The following ACKR2 variants were observed in gnomAD, a reference collection of about 807,000 sequenced individuals.
ACKR2 encodes C-C chemokine receptor D6.
For synonymous variants in ACKR2, 207 were observed against 192.2 expected (o/e 1.08, Z -0.64); for missense variants, 457 against 477.3 (o/e 0.96, Z 0.40).
intron 2 of ACKR2, among the ~76,000 whole-genome samples, chr3:42,827,979 T>C (rs1384073548): frequency 6.6e-6 from 1 of 151,122 alleles, no homozygotes; most frequent in Admixed American, 6.6e-5. Flanking sequence ...AAATAAACCA[T>C]AAGCCTGCAA....
rs970731980 is a variant in ACKR2 at position 42,856,235 on chromosome 3, G to A, written c.-37-8231G>A. ...TTGGGCCTTAGATAAAGCCACTCAGGCTGAGCTCCTGGGGTGGGGGCAGGT... is the reference window on the plus strand; with the variant it reads ...TTGGGCCTTAGATAAAGCCACTCAGACTGAGCTCCTGGGGTGGGGGCAGGT... On this transcript the variant is annotated intron_variant, in intron 2 of 2. Transcript: ENST00000422265. The A allele has an allele frequency of 8.5e-6, 5 of 586,588 alleles. No individual in the cohort carries two copies. The Admixed American group carries it at 1.5e-4, about 18-fold the overall frequency. The allele number at this position is 586,588 out of a possible 1,614,324, so 36.3% of individuals were successfully genotyped here. A position where few individuals can be genotyped will look rare whatever the true frequency, so the allele number is the denominator to read the frequency against.
intron 2 of ACKR2, among the ~76,000 whole-genome samples, chr3:42,823,480 G>A (rs528467625): frequency 3.9e-5 from 6 of 152,252 alleles, no homozygotes; most frequent in South Asian, 4.1e-4. Flanking sequence ...GTCAGCCTTC[G>A]TGTCTCCAGT....
At chr3:42,846,998 C>G (rs1701105534) in intron 2 of ACKR2, among the ~76,000 whole-genome samples, 1 of 152,202 alleles carries the variant, frequency 6.6e-6, no homozygotes. Context: ...GTCCATGTGG[C>G]TGCTATCAAC....
At chr3:42,856,843 T>C (rs948232938) in intron 2 of ACKR2, among the ~76,000 whole-genome samples, 6 of 150,758 alleles carry the variant, frequency 4.0e-5, no homozygotes, top group African/African-American at 1.2e-4. Context: ...CCCTTCCCCA[T>C]TGGTGAATGC....
At chr3:42,849,238 G>A (rs914712718) in intron 2 of ACKR2, among the ~76,000 whole-genome samples, 9 of 152,054 alleles carry the variant, frequency 5.9e-5, no homozygotes, top group African/African-American at 1.4e-4. Flanking sequence ...GCTGTGGCTC[G>A]TGGCTAGAAT....
intron 2 of ACKR2, among the ~76,000 whole-genome samples, chr3:42,849,557 C>A (rs911093590): frequency 6.6e-6 from 1 of 151,456 alleles, no homozygotes; most frequent in South Asian, 2.1e-4. Flanking sequence ...GAGCAAAGAA[C>A]AATTTGAGAA....
intron 2 of ACKR2, among the ~76,000 whole-genome samples, chr3:42,858,626 G>A (rs957036340): frequency 7.9e-6 from 1 of 127,080 alleles, no homozygotes; most frequent in Non-Finnish European, 1.7e-5. Flanking sequence ...TCCTCCAAAT[G>A]ATCACAACTC....
At chr3:42,809,615 G>A (rs1242677206) in intron 1 of ACKR2, 83 bp downstream of exon 1, 1 of 152,246 alleles carries the variant, frequency 6.6e-6, no homozygotes, top group Non-Finnish European at 1.5e-5. Context: ...TGTAATCCTA[G>A]CACTTTGGGA....
At chr3:42,812,680 C>CTTTT (rs71616070) in intron 1 of ACKR2, among the ~76,000 whole-genome samples, 17,932 of 72,682 alleles carry the variant, frequency 0.25, 4,610 homozygotes, top group African/African-American at 0.42. Context: ...AATTTTCAGC[C>CTTTT]TTTTTTTTTT....
chr3:42,823,524 T>G (rs1700830627), intron 2 of ACKR2, among the ~76,000 whole-genome samples: 1 of 152,204 alleles, frequency 6.6e-6, no homozygotes, highest in African/African-American at 2.4e-5. Flanking sequence ...TCTGGGATGT[T>G]CAGAACTGGA....
intron 2 of ACKR2, among the ~76,000 whole-genome samples, chr3:42,851,929 G>T (rs894352167): frequency 2.3e-4 from 35 of 152,020 alleles, no homozygotes; most frequent in African/African-American, 8.0e-4. Context: ...CCTTCCTTCT[G>T]CCCAAAACAG....
intron 2 of ACKR2, among the ~76,000 whole-genome samples, chr3:42,838,540 A>G: frequency 9.8e-6 from 1 of 101,534 alleles, no homozygotes; most frequent in East Asian, 2.6e-4. Flanking sequence ...AAAAAGACTG[A>G]CCATACCAAG....
At chr3:42,857,072 C>A (rs930284784) in intron 2 of ACKR2, among the ~76,000 whole-genome samples, 1 of 151,956 alleles carries the variant, frequency 6.6e-6, no homozygotes. Flanking sequence ...CATGGTCCAC[C>A]CCAATCCCAT....
chr3:42,840,419 A>G (rs1701025989), intron 2 of ACKR2, among the ~76,000 whole-genome samples: 1 of 152,080 alleles, frequency 6.6e-6, no homozygotes. Context: ...AGAAAGGTGG[A>G]CCCTATCCCA....
chr3:42,842,264 T>C (rs1701046620), intron 2 of ACKR2, among the ~76,000 whole-genome samples: 1 of 152,218 alleles, frequency 6.6e-6, no homozygotes, highest in Non-Finnish European at 1.5e-5. Context: ...TTTATTTTTC[T>C]AGTTATGTTT....
At chr3:42,863,857 T>C (rs2125626132) in intron 2 of ACKR2, among the ~76,000 whole-genome samples, 1 of 152,022 alleles carries the variant, frequency 6.6e-6, no homozygotes, top group Middle Eastern at 3.4e-3. Flanking sequence ...CTGGGCCTGT[T>C]GGGGGATTGG....
intron 2 of ACKR2, among the ~76,000 whole-genome samples, chr3:42,823,244 T>A (rs1398608773): frequency 6.6e-6 from 1 of 152,238 alleles, no homozygotes; most frequent in Non-Finnish European, 1.5e-5. Flanking sequence ...CTTTTGCGTT[T>A]GAGTTTTTCC....
intron 2 of ACKR2, among the ~76,000 whole-genome samples, chr3:42,833,356 A>T (rs976136155): frequency 6.6e-6 from 1 of 152,150 alleles, no homozygotes; most frequent in African/African-American, 2.4e-5. Context: ...GTTTATTTTT[A>T]TTTTTTATTT....
rs557233253 is a variant in ACKR2 at position 42,822,707 on chromosome 3, C to T, written c.-38+2996C>T. Among the ~76,000 whole-genome samples, 116 of 150,414 alleles carry T rather than the reference C, an allele frequency of 7.7e-4. 1 individual carries two copies. The highest frequency in any genetic ancestry group is 2.8e-3 in the African/African-American group (113 of 40,882). ...GTCTCTACTGAAATGCAAAAATTAC[C>T]CAGGCGTGGTGGTGCACGCCTGTAA... On this transcript the variant is annotated intron_variant, in intron 2 of 2. Coordinates refer to ENST00000422265, the MANE Select transcript of ACKR2 (RefSeq NM_001296.5).
Sources: allele counts gnomAD v4.1 joint callset (sites outside exome capture counted in the v4.1 genomes callset), GRCh38; gene constraint gnomAD v4.1.1; transcripts MANE v1.5; gene names NCBI Gene and HGNC (gene_info 2026-07-23, HGNC 2026-07-21).